The following RNF121 variants were observed in gnomAD, a reference collection of about 807,000 sequenced individuals.
The protein encoded by RNF121 is ring finger protein 121.
A neutral mutation model predicts 46.5 loss-of-function variants in RNF121; 21 were observed. That is an observed-to-expected ratio of 0.45 (90% CI 0.32 to 0.65). RNF121 has a LOEUF of 0.65. Among genes scored for constraint, RNF121 ranks in the 30% least tolerant of loss-of-function variants. The probability of loss-of-function intolerance (pLI) is 0.04; values close to 1 mark genes in which losing one functional copy is unlikely to be tolerated. For missense variants in RNF121, 346 were observed against 416.0 expected, an observed-to-expected ratio of 0.83 and a Z score of 1.46; for synonymous variants, 139 against 144.7, an observed-to-expected ratio of 0.96 and a Z score of 0.28.
At chr11:71,980,309 C>G (rs926441735) in intron 3 of RNF121, among the ~76,000 whole-genome samples, 3 of 151,460 alleles carry the variant, frequency 2.0e-5, no homozygotes, top group Non-Finnish European at 4.4e-5. Flanking sequence ...CTGTTCTGTT[C>G]TGTTCTCTTC....
chr11:71,935,591 T>A (rs74236639), intron 1 of RNF121, among the ~76,000 whole-genome samples: 4,896 of 152,294 alleles, frequency 0.032, 74 homozygotes, highest in East Asian at 0.077. Flanking sequence ...CCTATATCCT[T>A]TGTGCCTGGC....
intron 6 of RNF121, among the ~76,000 whole-genome samples, chr11:71,994,383 A>G (rs11819828): frequency 0.016 from 2,467 of 152,224 alleles, 71 homozygotes; most frequent in African/African-American, 0.057. Context: ...CTTGCCTGAC[A>G]CAGCTTTTGA....
chr11:71,963,643 T>C (rs1017081944), intron 3 of RNF121, among the ~76,000 whole-genome samples: 2 of 152,170 alleles, frequency 1.3e-5, no homozygotes, highest in Non-Finnish European at 2.9e-5. Context: ...TTTATAGTCT[T>C]AGCTCTTACA....
chr11:71,997,320 A>G lies in RNF121; in HGVS notation c.*1005A>G, dbSNP rs1023702082. 4.6e-5 allele frequency: 7 copies of G among 152,158 alleles called. No homozygotes were observed. The highest frequency in any genetic ancestry group is 1.4e-4 in the African/African-American group (6 of 41,428). 9.4% of individuals were successfully genotyped at this position (152,158 alleles called of 1,614,324 possible). On this transcript the variant is annotated 3_prime_UTR_variant, in exon 9 of 9. Transcript: ENST00000361756. The stretch of plus-strand genomic sequence containing the variant: ...GCAGGGGATTCCCAGTCCAGGGAAT[A>G]TCCCTACATGATTTTTGTCATTCAT...
intron 1 of RNF121, among the ~76,000 whole-genome samples, chr11:71,945,931 A>T (rs2134158964): frequency 6.6e-6 from 1 of 152,142 alleles, no homozygotes; most frequent in South Asian, 2.1e-4. Context: ...TGGGCAACAT[A>T]GAGAAACCCC....
intron 3 of RNF121, among the ~76,000 whole-genome samples, chr11:71,963,292 A>G (rs1270773955): frequency 6.6e-6 from 1 of 152,096 alleles, no homozygotes; most frequent in African/African-American, 2.4e-5. Context: ...GCCAAGTCCA[A>G]GGTCATAGAG....
rs1252526212 is a variant in RNF121 at position 71,987,120 on chromosome 11, C to G, written c.506+9C>G. ...CTTAACTTATTATTCAAGTGAGTAC[C>G]CTTTGTTTTTGTTTTTGCTGGAGTT... is the stretch of plus-strand genomic sequence containing the variant. On this transcript the variant is annotated intron_variant, in intron 5 of 8. Transcript: ENST00000361756. 21 of 1,567,128 alleles carry G rather than the reference C, an allele frequency of 1.3e-5. No homozygotes were observed. Among genetic ancestry groups the G allele is most frequent in the Non-Finnish European group, 1.8e-5 (20 of 1,137,874 alleles).
intron 3 of RNF121, among the ~76,000 whole-genome samples, chr11:71,981,638 T>C (rs764070374): frequency 3.3e-5 from 5 of 152,228 alleles, no homozygotes; most frequent in Non-Finnish European, 7.3e-5. Context: ...AGAATTGTTT[T>C]ATGCCTTTAA....
At chr11:71,985,318 A>T (rs1298596548) in intron 4 of RNF121, among the ~76,000 whole-genome samples, 1 of 152,204 alleles carries the variant, frequency 6.6e-6, no homozygotes, top group Non-Finnish European at 1.5e-5. Context: ...ACAACCCAGT[A>T]AAAAAGGTAG....
chr11:71,976,527 T>G (rs1334123669), intron 3 of RNF121, among the ~76,000 whole-genome samples: 1 of 152,004 alleles, frequency 6.6e-6, no homozygotes, highest in Non-Finnish European at 1.5e-5. Context: ...AGCTAATTTT[T>G]GTATTTTTAG....
chr11:71,956,629 T>C (rs1953997747), intron 1 of RNF121, among the ~76,000 whole-genome samples: 1 of 152,254 alleles, frequency 6.6e-6, no homozygotes, highest in Admixed American at 6.5e-5. Context: ...GCGGCTACCA[T>C]AGGGCCATTT....
intron 1 of RNF121, among the ~76,000 whole-genome samples, chr11:71,945,529 G>A (rs1290958081): frequency 1.3e-5 from 2 of 152,206 alleles, no homozygotes; most frequent in Non-Finnish European, 1.5e-5. Context: ...AGTGTGAAGT[G>A]TGAAGGGGAT....
intron 1 of RNF121, among the ~76,000 whole-genome samples, chr11:71,935,208 C>T (rs1168014047): frequency 6.6e-6 from 1 of 152,200 alleles, no homozygotes; most frequent in Non-Finnish European, 1.5e-5. Context: ...GTTGGGATTA[C>T]AGGCATGAGC....
At chr11:71,986,167 A>T (rs1419292535) in intron 4 of RNF121, among the ~76,000 whole-genome samples, 2 of 152,160 alleles carry the variant, frequency 1.3e-5, no homozygotes, top group African/African-American at 4.8e-5. Context: ...AAGAAAATTC[A>T]TTTCAGAAGC....
intron 1 of RNF121, among the ~76,000 whole-genome samples, chr11:71,936,153 G>A (rs967342640): frequency 1.3e-5 from 2 of 151,936 alleles, no homozygotes; most frequent in African/African-American, 4.8e-5. Flanking sequence ...AAACTGCTGC[G>A]CCTGGCCTAT....
chr11:71,957,288 G>T, intron 2 of RNF121, 24 bp downstream of exon 2: 1 of 1,527,382 alleles, frequency 6.5e-7, no homozygotes, highest in Non-Finnish European at 9.0e-7. Flanking sequence ...TTCGGGCCCT[G>T]CAGTCTAGGA....
In RNF121 at chr11:71,995,483, C is replaced by T. The variant is rs35417249; in HGVS notation, c.795C>T (p.Ile265=). The stretch of plus-strand genomic sequence containing the variant: ...AGTTCTGCATCCGTGGCTGGTGCAT[C>T]GTGGGAAAGAAGCAAACGTGTCCCT... ...FHEFCIRGWC[I]VGKKQTCPYC... Residue 265 remains isoleucine, a synonymous_variant, in exon 8 of 9, where the codon ATC becomes ATT. Transcript: ENST00000361756. The T allele has an allele frequency of 1.4e-5, 23 of 1,591,518 alleles. No homozygotes were observed. The African/African-American group carries it at 2.3e-4, about 16-fold the overall frequency.
chr11:71,973,928 G>A (rs1954473547), intron 3 of RNF121, among the ~76,000 whole-genome samples: 1 of 152,122 alleles, frequency 6.6e-6, no homozygotes, highest in Non-Finnish European at 1.5e-5. Context: ...CAAAAGCCCT[G>A]TATTTTTTTG....
rs79234989 is a variant in RNF121, at chr11:71,946,514, C to G, written c.64-10713C>G. Among the ~76,000 whole-genome samples, 660 of 152,234 alleles carry G rather than the reference C, an allele frequency of 4.3e-3. 2 individuals carry two copies. Among genetic ancestry groups the G allele is most frequent in the African/African-American group, 0.015 (630 of 41,526 alleles). On this transcript the variant is annotated intron_variant, in intron 1 of 8. Transcript: ENST00000361756. ...GAGTAGCTGGGTTTACAGGCATATG[C>G]TGTCACATTCAGCTGCTGAATGAAT...
Sources: gnomAD v4.1 joint callset for allele counts (sites outside exome capture counted in the v4.1 genomes callset) on GRCh38, gnomAD v4.1.1 for gene constraint, MANE v1.5 for transcripts, NCBI Gene and HGNC (gene_info 2026-07-23, HGNC 2026-07-21) for gene names.